DPP4: variants seen among roughly 807,000 people sequenced by gnomAD.
DPP4 encodes ADCP-2.
DPP4 carries 93 observed loss-of-function variants against 122.4 expected under a neutral mutation model. The observed-to-expected ratio is 0.76, with a 90% CI of 0.64 to 0.90. The LOEUF is 0.90. Among genes scored for constraint, DPP4 ranks in the 40% least tolerant of loss-of-function variants. The pLI is 0.00. For synonymous variants in DPP4, 321 were observed against 302.9 expected (o/e 1.06, Z -0.62); for missense variants, 914 against 907.3 (o/e 1.01, Z -0.09).
At chr2:162,012,009 T>A (rs1175493285) in intron 19 of DPP4, 22 bp from the exon 20 acceptor site, 2 of 1,604,468 alleles carry the variant, frequency 1.2e-6, no homozygotes, top group Admixed American at 3.4e-5. Flanking sequence ...ACCAAATTGT[T>A]AGCTTTCATG....
At chr2:162,051,958 C>A (rs1045981940) in intron 2 of DPP4, among the ~76,000 whole-genome samples, 3 of 152,086 alleles carry the variant, frequency 2.0e-5, no homozygotes, top group African/African-American at 4.8e-5. Flanking sequence ...TCATGTTGAA[C>A]CTTAATATAC....
At chr2:161,993,646 C>G (rs1700921443) in intron 25 of DPP4, among the ~76,000 whole-genome samples, 1 of 152,074 alleles carries the variant, frequency 6.6e-6, no homozygotes, top group South Asian at 2.1e-4. Context: ...GTGAATTTGG[C>G]TTTATTGAAT....
At chr2:162,012,643 T>C (rs892610438) in intron 19 of DPP4, among the ~76,000 whole-genome samples, 1 of 152,042 alleles carries the variant, frequency 6.6e-6, no homozygotes, top group African/African-American at 2.4e-5. Flanking sequence ...CAGGCTACCA[T>C]CTACCCTACA....
chr2:162,026,706 C>A (rs1383769573), intron 10 of DPP4, among the ~76,000 whole-genome samples: 1 of 152,200 alleles, frequency 6.6e-6, no homozygotes, highest in Non-Finnish European at 1.5e-5. Flanking sequence ...ACAGAGACAT[C>A]TCATCCAGTC....
intron 2 of DPP4, among the ~76,000 whole-genome samples, chr2:162,053,616 C>A (rs910454461): frequency 6.6e-6 from 1 of 152,194 alleles, no homozygotes; most frequent in African/African-American, 2.4e-5. Flanking sequence ...GACTCCCCTG[C>A]ACCTCCTTGT....
chr2:162,024,090 T>C (rs1474404969), intron 11 of DPP4, among the ~76,000 whole-genome samples: 1 of 152,150 alleles, frequency 6.6e-6, no homozygotes, highest in Non-Finnish European at 1.5e-5. Flanking sequence ...GCAGGGATGG[T>C]AGGTGTGTAG....
chr2:162,055,344 T>C (rs1684531978), intron 2 of DPP4, among the ~76,000 whole-genome samples: 1 of 152,190 alleles, frequency 6.6e-6, no homozygotes, highest in African/African-American at 2.4e-5. Context: ...CTCTGATTAC[T>C]ATACATAAGG....
intron 2 of DPP4, among the ~76,000 whole-genome samples, chr2:162,069,736 G>A (rs1469935671): frequency 6.6e-6 from 1 of 152,134 alleles, no homozygotes; most frequent in Non-Finnish European, 1.5e-5. Flanking sequence ...TTTAAACCTG[G>A]AACAGATCCT....
chr2:161,993,390 G>A lies in DPP4; in HGVS notation c.2200-6C>T. The stretch of plus-strand genomic sequence containing the variant: ...TGGTCTTCATCAGTATACCACTAGA[G>A]AGAGAAAGAAAAGAAGTTAGAATTA... On this transcript the variant is annotated splice_region_variant and splice_polypyrimidine_tract_variant and intron_variant, in intron 25 of 25. Coordinates refer to ENST00000360534, the MANE Select transcript of DPP4 (RefSeq NM_001935.4). 2 of 1,597,636 alleles carry A rather than the reference G, an allele frequency of 1.3e-6. No individual in the cohort carries two copies. The highest frequency in any genetic ancestry group is 1.7e-6 in the Non-Finnish European group (2 of 1,166,338).
At chr2:162,058,572 T>C (rs1017903118) in intron 2 of DPP4, among the ~76,000 whole-genome samples, 2 of 152,258 alleles carry the variant, frequency 1.3e-5, no homozygotes, top group Non-Finnish European at 2.9e-5. Context: ...TTAATCGTTT[T>C]TCTGAATCTC....
At position 161,993,178 on chromosome 2, in the gene DPP4, G is replaced by T; in HGVS notation, c.*105C>A. ...AAGGTAACCTTAAGTTTCTTGATTT[G>T]AGTGTGTATTTTAAAGATCATCATC... On this transcript the variant is annotated 3_prime_UTR_variant, in exon 26 of 26. Transcript: ENST00000360534. The T allele has an allele frequency of 1.1e-6, 1 of 882,210 alleles. No individual in the cohort carries two copies. The highest frequency in any genetic ancestry group is 1.8e-6 in the Non-Finnish European group (1 of 551,298). 54.6% of individuals were successfully genotyped at this position (882,210 alleles called of 1,614,324 possible).
chr2:162,025,098 C>A (rs554372460), intron 10 of DPP4, among the ~76,000 whole-genome samples, 159 bp from the exon 11 acceptor site: 1 of 152,094 alleles, frequency 6.6e-6, no homozygotes, highest in East Asian at 1.9e-4. Context: ...AATATTTCAC[C>A]TTTTCTTAAA....
At chr2:162,044,912 T>C (rs941022073) in intron 5 of DPP4, among the ~76,000 whole-genome samples, 2 of 152,104 alleles carry the variant, frequency 1.3e-5, no homozygotes, top group Non-Finnish European at 1.5e-5. Flanking sequence ...TGCGGAATCT[T>C]TTCTGGAGGA....
intron 2 of DPP4, among the ~76,000 whole-genome samples, chr2:162,059,871 C>T (rs75881470): frequency 0.016 from 2,438 of 152,288 alleles, 28 homozygotes; most frequent in East Asian, 0.037. Context: ...ATGTTATAAA[C>T]ATATAAAGAA....
At chr2:162,029,985 T>C (rs1310456041) in intron 10 of DPP4, among the ~76,000 whole-genome samples, 1 of 152,194 alleles carries the variant, frequency 6.6e-6, no homozygotes, top group Non-Finnish European at 1.5e-5. Flanking sequence ...TGCTTATCTA[T>C]TAGTTTATTC....
At chr2:162,026,022 G>C (rs960120301) in intron 10 of DPP4, among the ~76,000 whole-genome samples, 5 of 152,162 alleles carry the variant, frequency 3.3e-5, no homozygotes, top group African/African-American at 4.8e-5. Flanking sequence ...TATGTCCGTG[G>C]AATGCAGCAC....
chr2:162,073,624 G>A, intron 1 of DPP4, 138 bp from the exon 2 acceptor site: 3 of 818,950 alleles, frequency 3.7e-6, no homozygotes, highest in East Asian at 2.6e-5. Flanking sequence ...GGCTGGGGGT[G>A]GGGGTGGCGT....
At chr2:162,068,748 A>G (rs939298287) in intron 2 of DPP4, among the ~76,000 whole-genome samples, 4 of 152,120 alleles carry the variant, frequency 2.6e-5, no homozygotes, top group South Asian at 2.1e-4. Flanking sequence ...ACTAAACAGA[A>G]CCATTCAAAA....
chr2:162,024,439 C>G (rs1371509931), intron 11 of DPP4, among the ~76,000 whole-genome samples: 6 of 152,188 alleles, frequency 3.9e-5, no homozygotes, highest in Admixed American at 3.9e-4. Flanking sequence ...CAGTTATTCC[C>G]CATTCCCTAC....
Sources: gnomAD v4.1 joint callset for allele counts (sites outside exome capture counted in the v4.1 genomes callset) on GRCh38, gnomAD v4.1.1 for gene constraint, MANE v1.5 for transcripts, NCBI Gene and HGNC (gene_info 2026-07-23, HGNC 2026-07-21) for gene names.